The following PRDM5 variants were observed in gnomAD, a reference collection of about 807,000 sequenced individuals.
The protein encoded by PRDM5 is PR domain zinc finger protein 5.
A neutral mutation model predicts 81.2 loss-of-function variants in PRDM5; 56 were observed. That is an observed-to-expected ratio of 0.69 (90% CI 0.56 to 0.86). The LOEUF is 0.86. PRDM5 is among the 40% of genes least tolerant of loss of function. The pLI, the probability that PRDM5 is intolerant of heterozygous loss-of-function variation, is 0.00. For synonymous variants in PRDM5, 267 were observed against 256.4 expected (o/e 1.04, Z -0.39); for missense variants, 697 against 770.1 (o/e 0.91, Z 1.12).
intron 14 of PRDM5, among the ~76,000 whole-genome samples, chr4:120,715,660 TA>T (rs1014337664): frequency 4.7e-4 from 72 of 152,218 alleles, no homozygotes; most frequent in Admixed American, 1.6e-3. Flanking sequence ...ACTTTTATTT[TA>T]AAAAAACATA....
chr4:120,853,166 C>G (rs570141889), intron 3 of PRDM5, among the ~76,000 whole-genome samples: 8 of 152,304 alleles, frequency 5.3e-5, no homozygotes, highest in African/African-American at 1.9e-4. Flanking sequence ...AAAGCGAGAT[C>G]TGCCAAGGAC....
chr4:120,831,057 A>G (rs192083446), intron 3 of PRDM5, among the ~76,000 whole-genome samples: 2 of 152,154 alleles, frequency 1.3e-5, no homozygotes, highest in Admixed American at 1.3e-4. Flanking sequence ...CTTGGGAAGC[A>G]GTGGCTTTTG....
At position 120,816,814 on chromosome 4, in the gene PRDM5, A is replaced by C. The variant is rs779673963; in HGVS notation, c.743+18T>G. ...CCCACAATTATATAACAGCCATTTC[A>C]TAACTCAGACACAAAACCTCGATGC... On this transcript the variant is annotated intron_variant, in intron 6 of 15. Transcript: ENST00000264808. 12 of 1,605,258 alleles carry C rather than the reference A, an allele frequency of 7.5e-6. No individual in the cohort carries two copies. The African/African-American group carries it at 1.6e-4, about 21-fold the overall frequency.
rs766853150 is a variant in PRDM5 at position 120,799,716 on chromosome 4, AC to A, written c.974del (p.Cys325LeufsTer2). ...KIHEIFDCQE[C>X]MKKFISANQL... Reference sequence around the variant, plus strand: ...GATTAGCTGAAATAAATTTCTTCATACATTCTTGACAATCAAATATCTCATG... The same window carrying A: ...GATTAGCTGAAATAAATTTCTTCATAATTCTTGACAATCAAATATCTCATG... On this transcript the variant is annotated frameshift_variant, in exon 9 of 16. Coordinates refer to ENST00000264808, the MANE Select transcript of PRDM5 (RefSeq NM_018699.4). LOFTEE classifies it high-confidence loss of function. 1.9e-6 allele frequency: 3 copies of A among 1,612,836 alleles called. No homozygotes were observed. Among genetic ancestry groups the A allele is most frequent in the Non-Finnish European group, 2.5e-6 (3 of 1,179,632 alleles).
At chr4:120,917,949 A>T (rs1724403733) in intron 1 of PRDM5, among the ~76,000 whole-genome samples, 1 of 152,138 alleles carries the variant, frequency 6.6e-6, no homozygotes, top group African/African-American at 2.4e-5. Context: ...CCTCAACATC[A>T]CCTCTCTCAT....
downstream of PRDM5, among the ~76,000 whole-genome samples, chr4:120,688,129 C>T (rs1032198470): frequency 6.6e-6 from 1 of 152,072 alleles, no homozygotes; most frequent in African/African-American, 2.4e-5. Flanking sequence ...TCTTTACATC[C>T]TCATCAATGG....
downstream of PRDM5, among the ~76,000 whole-genome samples, chr4:120,684,305 T>C (rs1412720611): frequency 6.6e-6 from 1 of 151,982 alleles, no homozygotes. Context: ...ATGAGAAATA[T>C]TTTAATTGAT....
chr4:120,734,181 G>T (rs1198657359), intron 14 of PRDM5, among the ~76,000 whole-genome samples: 1 of 152,066 alleles, frequency 6.6e-6, no homozygotes, highest in Admixed American at 6.5e-5. Context: ...GGGCACCCAG[G>T]CTAAGCCACC....
At chr4:120,703,276 C>G (rs1735641413) in intron 15 of PRDM5, among the ~76,000 whole-genome samples, 1 of 152,142 alleles carries the variant, frequency 6.6e-6, no homozygotes, top group Non-Finnish European at 1.5e-5. Flanking sequence ...GCCTTGAATT[C>G]CTAGGCTCAA....
Position 120,798,259 on chromosome 4 carries a change from A to C in PRDM5, c.1188+8T>G, listed in dbSNP as rs1283292010. ...ATAAAAAATAATAATAATATTAATAAGTTTTACCTTCTTATGATTCTTGTA... is the reference window on the plus strand; with the variant it reads ...ATAAAAAATAATAATAATATTAATACGTTTTACCTTCTTATGATTCTTGTA... On this transcript the variant is annotated splice_region_variant and intron_variant, in intron 10 of 15. Transcript: ENST00000264808. 1 of 1,520,844 alleles carries C rather than the reference A, an allele frequency of 6.6e-7. No individual in the cohort carries two copies. Among genetic ancestry groups the C allele is most frequent in the Admixed American group, 2.0e-5 (1 of 49,008 alleles). The allele number at this position is 1,520,844 out of a possible 1,614,324, so 94.2% of individuals were successfully genotyped here.
intron 2 of PRDM5, among the ~76,000 whole-genome samples, chr4:120,856,053 T>C (rs999541842): frequency 6.6e-6 from 1 of 152,230 alleles, no homozygotes; most frequent in African/African-American, 2.4e-5. Flanking sequence ...ACCAGGGGCA[T>C]TGTTTGTTCT....
intron 8 of PRDM5, among the ~76,000 whole-genome samples, chr4:120,804,654 A>G (rs2149303477): frequency 6.6e-6 from 1 of 152,364 alleles, no homozygotes; most frequent in Non-Finnish European, 1.5e-5. Flanking sequence ...GAAACCAAAG[A>G]GAACAAAGAC....
At chr4:120,879,607 T>G (rs1762643340) in intron 2 of PRDM5, among the ~76,000 whole-genome samples, 1 of 152,234 alleles carries the variant, frequency 6.6e-6, no homozygotes, top group South Asian at 2.1e-4. Flanking sequence ...TCTATCTTAC[T>G]TTATTGTAAG....
At chr4:120,871,364 G>C (rs937882730) in intron 2 of PRDM5, among the ~76,000 whole-genome samples, 3 of 152,130 alleles carry the variant, frequency 2.0e-5, no homozygotes, top group Non-Finnish European at 4.4e-5. Flanking sequence ...GACCCTTTCT[G>C]GGTATGGCTC....
intron 15 of PRDM5, among the ~76,000 whole-genome samples, chr4:120,701,777 C>T (rs1188904128): frequency 6.6e-6 from 1 of 151,832 alleles, no homozygotes; most frequent in Non-Finnish European, 1.5e-5. Context: ...TGCAATATAC[C>T]CATGTACAAC....
chr4:120,922,619 G>C lies in PRDM5; in HGVS notation c.-11C>G, dbSNP rs1725113567. 5 of 1,576,810 alleles carry C rather than the reference G, an allele frequency of 3.2e-6. No individual in the cohort carries two copies. Among genetic ancestry groups the C allele is most frequent in the African/African-American group, 1.4e-5 (1 of 74,018 alleles). On this transcript the variant is annotated 5_prime_UTR_variant, in exon 1 of 16. Transcript: ENST00000264808. ...GTACATGCCCAGCATTTTCCCGGGCGCGGCGGCCGCCGCCTCTCTCAACAC... is the reference window on the plus strand; with the variant it reads ...GTACATGCCCAGCATTTTCCCGGGCCCGGCGGCCGCCGCCTCTCTCAACAC...
Position 120,740,217 on chromosome 4 carries a change from A to T in PRDM5, c.1623+14336T>A, listed in dbSNP as rs755042735. ...CACTAATTCCAAAATCGAATTAACGATATTTTCAAACAGTGACAATGAGGC... is the reference window on the plus strand; with the variant it reads ...CACTAATTCCAAAATCGAATTAACGTTATTTTCAAACAGTGACAATGAGGC... On this transcript the variant is annotated intron_variant, in intron 14 of 15. Coordinates refer to ENST00000264808, the MANE Select transcript of PRDM5 (RefSeq NM_018699.4). 2.6e-5 allele frequency among the ~76,000 whole-genome samples: 4 copies of T among 152,224 alleles called. No individual in the cohort carries two copies. In the East Asian group the frequency reaches 7.7e-4, roughly 29 times the overall value.
chr4:120,815,695 A>G (rs1754398466), intron 7 of PRDM5, among the ~76,000 whole-genome samples: 1 of 152,220 alleles, frequency 6.6e-6, no homozygotes, highest in South Asian at 2.1e-4. Context: ...AAATAAACAC[A>G]TGAACAAAGA....
At chr4:120,702,375 CA>C (rs1469081957) in intron 15 of PRDM5, among the ~76,000 whole-genome samples, 1 of 152,196 alleles carries the variant, frequency 6.6e-6, no homozygotes, top group Non-Finnish European at 1.5e-5. Context: ...TCTCTTTACC[CA>C]GCTTACTCCT....
Sources: allele counts gnomAD v4.1 joint callset (sites outside exome capture counted in the v4.1 genomes callset), GRCh38; gene constraint gnomAD v4.1.1; transcripts MANE v1.5; gene names NCBI Gene and HGNC (gene_info 2026-07-23, HGNC 2026-07-21).